Variants in BTBD9 observed in about 807,000 individuals in gnomAD.
BTBD9 encodes the protein BTB domain containing 9.
Under a neutral mutation model 64.3 loss-of-function variants are expected in BTBD9, and 49 were observed. The ratio of observed to expected loss-of-function variants is 0.76; its 90% CI spans 0.61 to 0.97. BTBD9 has a LOEUF of 0.97. Ranked by LOEUF, BTBD9 falls within the 50% of genes least tolerant of loss-of-function variation. BTBD9 has a pLI of 0.00. For synonymous variants in BTBD9, 260 were observed against 274.7 expected, an observed-to-expected ratio of 0.95 and a Z score of 0.53; for missense variants, 598 against 762.1, an observed-to-expected ratio of 0.78 and a Z score of 2.53.
At chr6:38,450,853 T>G (rs909863544) in intron 6 of BTBD9, among the ~76,000 whole-genome samples, 1 of 152,344 alleles carries the variant, frequency 6.6e-6, no homozygotes, top group Non-Finnish European at 1.5e-5. Flanking sequence ...CAGGTGATTC[T>G]AATGTACACT....
chr6:38,456,782 C>T (rs546954283), intron 6 of BTBD9, among the ~76,000 whole-genome samples: 1 of 152,290 alleles, frequency 6.6e-6, no homozygotes, highest in East Asian at 1.9e-4. Flanking sequence ...ATCTGGTTTG[C>T]AAATACTTCC....
At chr6:38,329,813 C>A (rs928159806) in intron 7 of BTBD9, among the ~76,000 whole-genome samples, 1 of 152,014 alleles carries the variant, frequency 6.6e-6, no homozygotes, top group African/African-American at 2.4e-5. Context: ...ACTAGCGGGG[C>A]GTGATGGCGG....
At chr6:38,504,825 G>A (rs746852045) in intron 6 of BTBD9, among the ~76,000 whole-genome samples, 2 of 152,176 alleles carry the variant, frequency 1.3e-5, no homozygotes, top group Non-Finnish European at 2.9e-5. Flanking sequence ...TGTGGTAGAA[G>A]CATCTATGAA....
chr6:38,307,034 G>A (rs1449751532), intron 7 of BTBD9, among the ~76,000 whole-genome samples: 5 of 152,164 alleles, frequency 3.3e-5, no homozygotes, highest in African/African-American at 1.2e-4. Context: ...TGTTTAAGAA[G>A]ATAACTATTA....
Position 38,594,338 on chromosome 6 carries a change from G to C in BTBD9, c.186-11C>G, listed in dbSNP as rs1034926070. 6.4e-7 allele frequency: 1 copy of C among 1,572,124 alleles called. No homozygotes were observed. Among genetic ancestry groups the C allele is most frequent in the Admixed American group, 1.9e-5 (1 of 53,544 alleles). ...CCATATAATAATGCTCTGCACATCA[G>C]GGAAGAAACACATGAAGAAACCCTC... On this transcript the variant is annotated splice_polypyrimidine_tract_variant and intron_variant, in intron 2 of 10. Coordinates refer to ENST00000481247, the MANE Select transcript of BTBD9 (RefSeq NM_001099272.2).
chr6:38,333,484 T>C (rs1283685342), intron 7 of BTBD9, among the ~76,000 whole-genome samples: 1 of 152,192 alleles, frequency 6.6e-6, no homozygotes, highest in Non-Finnish European at 1.5e-5. Flanking sequence ...ACTCCCAGTG[T>C]TGGAGGCGGG....
At chr6:38,305,539 G>A (rs535425239) in intron 7 of BTBD9, among the ~76,000 whole-genome samples, 14 of 152,304 alleles carry the variant, frequency 9.2e-5, no homozygotes, top group Admixed American at 2.6e-4. Flanking sequence ...CTGGAGTGCA[G>A]TGGCACGGTC....
At chr6:38,302,485 G>GTATATA (rs59324806) in intron 7 of BTBD9, among the ~76,000 whole-genome samples, 3,128 of 106,176 alleles carry the variant, frequency 0.029, 117 homozygotes, top group South Asian at 0.036. Context: ...TTGTGTGTAT[G>GTATATA]TATATATATA....
At chr6:38,179,455 A>G (rs1761440545) in intron 10 of BTBD9, 1 of 456,772 alleles carries the variant, frequency 2.2e-6, no homozygotes, top group East Asian at 6.9e-5. Context: ...AGAAGGTGGC[A>G]GCAGCAGGTC....
chr6:38,272,506 C>G (rs1037316157), intron 8 of BTBD9, among the ~76,000 whole-genome samples: 2 of 152,166 alleles, frequency 1.3e-5, no homozygotes, highest in African/African-American at 4.8e-5. Context: ...CATTTAGACT[C>G]TTTAATGAAA....
intron 6 of BTBD9, among the ~76,000 whole-genome samples, chr6:38,479,155 GCT>G (rs1771019125): frequency 6.6e-6 from 1 of 152,138 alleles, no homozygotes; most frequent in Admixed American, 6.5e-5. Context: ...CTTTGCTCTG[GCT>G]ATGAAAGAGT....
chr6:38,623,566 TA>T (rs1473571239), intron 1 of BTBD9, among the ~76,000 whole-genome samples: 1 of 152,184 alleles, frequency 6.6e-6, no homozygotes, highest in African/African-American at 2.4e-5. Flanking sequence ...TGCACCTTCT[TA>T]GGGGAAGAGT....
rs371217631 is a variant in BTBD9, at chr6:38,567,589, G to A, written c.1154+10011C>T. On this transcript the variant is annotated intron_variant, in intron 6 of 10. Transcript: ENST00000481247. Reference sequence around the variant, plus strand: ...TACCACCGTTCCTTGCAGGGATTGAGCCCTCTATTTTCATACTGGGAGATG... The same window carrying A: ...TACCACCGTTCCTTGCAGGGATTGAACCCTCTATTTTCATACTGGGAGATG... Among the ~76,000 whole-genome samples the A allele has an allele frequency of 5.6e-4, 86 of 152,242 alleles. No homozygotes were observed. In the South Asian group the frequency reaches 0.016, roughly 28 times the overall value.
At chr6:38,489,572 T>G (rs1226106763) in intron 6 of BTBD9, among the ~76,000 whole-genome samples, 1 of 152,230 alleles carries the variant, frequency 6.6e-6, no homozygotes, top group Admixed American at 6.5e-5. Flanking sequence ...CATTATACAA[T>G]TCCATTGTGT....
chr6:38,480,903 C>T (rs561702780), intron 6 of BTBD9, among the ~76,000 whole-genome samples: 3 of 152,284 alleles, frequency 2.0e-5, no homozygotes, highest in Non-Finnish European at 2.9e-5. Context: ...TATGAATGTG[C>T]GCTCTGTGCA....
intron 6 of BTBD9, among the ~76,000 whole-genome samples, chr6:38,521,024 T>A (rs993200681): frequency 6.6e-6 from 1 of 151,952 alleles, no homozygotes; most frequent in African/African-American, 2.4e-5. Flanking sequence ...TAAATATTCA[T>A]ATGTGTCTTA....
Position 38,465,745 on chromosome 6 carries a change from ATATATATATATG to A in BTBD9, c.1154+111843_1154+111854del, listed in dbSNP as rs1240290193. Among the ~76,000 whole-genome samples, 252 of 44,142 alleles carry A rather than the reference ATATATATATATG, an allele frequency of 5.7e-3. 2 individuals carry two copies. Among genetic ancestry groups the A allele is most frequent in the South Asian group, 0.016 (12 of 748 alleles). The allele number at this position is 44,142 out of a possible 152,430, so 29.0% of individuals were successfully genotyped here. ...TATATATATATATATATATATATAT[ATATATATATATG>A]TATGTATGTATGTATTTCAGTTATT... On this transcript the variant is annotated intron_variant, in intron 6 of 10. Coordinates refer to ENST00000481247, the MANE Select transcript of BTBD9 (RefSeq NM_001099272.2).
chr6:38,518,061 A>C (rs1773116657), intron 6 of BTBD9, among the ~76,000 whole-genome samples: 2 of 152,224 alleles, frequency 1.3e-5, no homozygotes. Flanking sequence ...AAAATATTAA[A>C]CACCTAAAAA....
intron 6 of BTBD9, among the ~76,000 whole-genome samples, chr6:38,361,450 G>C (rs1470259264): frequency 2.6e-5 from 4 of 152,118 alleles, no homozygotes; most frequent in African/African-American, 9.7e-5. Context: ...TGGAGGGATG[G>C]GAGGATCACT....
Sources: gnomAD v4.1 joint callset for allele counts (sites outside exome capture counted in the v4.1 genomes callset) on GRCh38, gnomAD v4.1.1 for gene constraint, MANE v1.5 for transcripts, NCBI Gene and HGNC (gene_info 2026-07-23, HGNC 2026-07-21) for gene names.